The following TSPAN5 variants were observed in gnomAD, a reference collection of about 807,000 sequenced individuals.
TSPAN5 encodes tetraspanin-5.
TSPAN5 carries 10 observed loss-of-function variants against 37.1 expected under a neutral mutation model. The ratio of observed to expected loss-of-function variants is 0.27; its 90% CI spans 0.17 to 0.46. TSPAN5 has a LOEUF of 0.46. Among genes scored for constraint, TSPAN5 ranks in the 20% least tolerant of loss-of-function variants. The probability of loss-of-function intolerance (pLI) is 1.00; values close to 1 mark genes in which losing one functional copy is unlikely to be tolerated. For missense variants in TSPAN5, 195 were observed against 326.6 expected, an observed-to-expected ratio of 0.60 and a Z score of 3.11; for synonymous variants, 110 against 118.9, an observed-to-expected ratio of 0.93 and a Z score of 0.48.
chr4:98,472,968 G>A (rs1449202507), intron 7 of TSPAN5, among the ~76,000 whole-genome samples: 1 of 152,116 alleles, frequency 6.6e-6, no homozygotes, highest in Admixed American at 6.5e-5. Flanking sequence ...TCTTTTTCAT[G>A]TAGCAAAATA....
At chr4:98,497,827 A>C (rs1753250490) in intron 2 of TSPAN5, among the ~76,000 whole-genome samples, 2 of 151,926 alleles carry the variant, frequency 1.3e-5, no homozygotes, top group Non-Finnish European at 2.9e-5. Flanking sequence ...ATGGGGGTGC[A>C]TGGGGAGGGG....
At chr4:98,519,965 T>C (rs1327711320) in intron 1 of TSPAN5, among the ~76,000 whole-genome samples, 1 of 152,210 alleles carries the variant, frequency 6.6e-6, no homozygotes, top group African/African-American at 2.4e-5. Flanking sequence ...AGATAACGCA[T>C]GTGCTCAAAT....
chr4:98,557,188 GTTT>G (rs1560536425), intron 1 of TSPAN5, among the ~76,000 whole-genome samples: 1 of 152,052 alleles, frequency 6.6e-6, no homozygotes, highest in Non-Finnish European at 1.5e-5. Flanking sequence ...TCATACTAGC[GTTT>G]TTATTTTTCT....
chr4:98,532,545 TCTGAGACTTTG>T, intron 1 of TSPAN5, among the ~76,000 whole-genome samples: 1 of 152,212 alleles, frequency 6.6e-6, no homozygotes, highest in Non-Finnish European at 1.5e-5. Context: ...GATTTTGTAT[TCTGAGACTTTG>T]CTGAAGTTGC....
chr4:98,630,668 A>G (rs1163891692), intron 1 of TSPAN5, among the ~76,000 whole-genome samples: 1 of 152,196 alleles, frequency 6.6e-6, no homozygotes, highest in Non-Finnish European at 1.5e-5. Context: ...CCCAGGAGAA[A>G]GGAGTGCCCC....
At chr4:98,632,611 G>A (rs1158346927) in intron 1 of TSPAN5, among the ~76,000 whole-genome samples, 2 of 152,158 alleles carry the variant, frequency 1.3e-5, no homozygotes, top group Non-Finnish European at 2.9e-5. Context: ...CATCAATGCT[G>A]CATTAAAAGG....
intron 1 of TSPAN5, among the ~76,000 whole-genome samples, chr4:98,649,447 G>T (rs1368093444): frequency 6.6e-6 from 1 of 152,174 alleles, no homozygotes; most frequent in Non-Finnish European, 1.5e-5. Flanking sequence ...TAGGGGGATG[G>T]TTTAATAGAG....
intron 1 of TSPAN5, among the ~76,000 whole-genome samples, chr4:98,542,142 T>C (rs757240654): frequency 6.6e-6 from 1 of 152,142 alleles, no homozygotes; most frequent in Non-Finnish European, 1.5e-5. Flanking sequence ...CGGGGTTCTG[T>C]GAAGATGAAA....
At chr4:98,487,111 GAAAC>G (rs1170116397) in intron 2 of TSPAN5, among the ~76,000 whole-genome samples, 27 of 117,490 alleles carry the variant, frequency 2.3e-4, no homozygotes, top group African/African-American at 8.6e-4. Context: ...AGAAAAGAGA[GAAAC>G]AAAAGGGAGG....
intron 1 of TSPAN5, among the ~76,000 whole-genome samples, chr4:98,581,704 TTTC>T (rs1345485152): frequency 6.6e-6 from 1 of 152,212 alleles, no homozygotes; most frequent in Admixed American, 6.5e-5. Context: ...AAAAGGGTAA[TTTC>T]TTCCCTTTGT....
chr4:98,614,924 C>T (rs73832366), intron 1 of TSPAN5, among the ~76,000 whole-genome samples: 2,272 of 152,324 alleles, frequency 0.015, 45 homozygotes, highest in African/African-American at 0.053. Context: ...TGCTGCCATC[C>T]TCCCTGATAT....
intron 1 of TSPAN5, among the ~76,000 whole-genome samples, chr4:98,600,860 TCA>T (rs765726558): frequency 6.6e-6 from 1 of 152,222 alleles, no homozygotes; most frequent in Non-Finnish European, 1.5e-5. Flanking sequence ...ATCAGAGGAA[TCA>T]CTATATAGTC....
chr4:98,537,243 C>T (rs188316623), intron 1 of TSPAN5, among the ~76,000 whole-genome samples: 12 of 152,242 alleles, frequency 7.9e-5, no homozygotes, highest in Admixed American at 6.5e-4. Context: ...GGCTAGAGGA[C>T]GAAATTCCGC....
intron 1 of TSPAN5, among the ~76,000 whole-genome samples, chr4:98,537,654 G>A (rs1215201714): frequency 1.3e-5 from 2 of 152,154 alleles, no homozygotes; most frequent in Non-Finnish European, 2.9e-5. Context: ...CTCTCAACAT[G>A]TGCCTCACCG....
At chr4:98,482,256 A>C in intron 3 of TSPAN5, 81 bp from the exon 4 acceptor site, 1 of 1,308,438 alleles carries the variant, frequency 7.6e-7, no homozygotes, top group Non-Finnish European at 1.1e-6. Flanking sequence ...CTCTCTAAAC[A>C]GGTTTGTAAT....
chr4:98,617,465 G>A (rs1756367791), intron 1 of TSPAN5, among the ~76,000 whole-genome samples: 1 of 152,134 alleles, frequency 6.6e-6, no homozygotes, highest in Non-Finnish European at 1.5e-5. Flanking sequence ...CCTAGTCTTT[G>A]GAGGCTAATG....
intron 1 of TSPAN5, among the ~76,000 whole-genome samples, chr4:98,512,892 A>C (rs185195361): frequency 3.3e-5 from 5 of 152,348 alleles, no homozygotes; most frequent in Non-Finnish European, 7.3e-5. Context: ...TAAGAGAGAG[A>C]GAGAGTCCTC....
chr4:98,487,416 G>A (rs1391859525), intron 2 of TSPAN5, among the ~76,000 whole-genome samples: 1 of 152,152 alleles, frequency 6.6e-6, no homozygotes, highest in Non-Finnish European at 1.5e-5. Context: ...CCCCCAGAGA[G>A]GGGGGAGGTC....
At chr4:98,474,131 A>G (rs1172666426) in intron 7 of TSPAN5, among the ~76,000 whole-genome samples, 2 of 152,190 alleles carry the variant, frequency 1.3e-5, no homozygotes, top group African/African-American at 4.8e-5. Flanking sequence ...AAAGTCACAA[A>G]TATTTATGCC....
Sources: gnomAD v4.1 joint callset for allele counts (sites outside exome capture counted in the v4.1 genomes callset) on GRCh38, gnomAD v4.1.1 for gene constraint, MANE v1.5 for transcripts, NCBI Gene and HGNC (gene_info 2026-07-23, HGNC 2026-07-21) for gene names.